The following SCAPER variants were observed in gnomAD, a reference collection of about 807,000 sequenced individuals.
SCAPER encodes S phase cyclin A-associated protein in the endoplasmic reticulum.
A neutral mutation model predicts 182.2 loss-of-function variants in SCAPER; 98 were observed. That is an observed-to-expected ratio of 0.54 (90% CI 0.46 to 0.64). SCAPER has a LOEUF of 0.64. Ranked by LOEUF, SCAPER falls within the 30% of genes least tolerant of loss-of-function variation. SCAPER has a pLI of 0.00. For synonymous variants in SCAPER, 605 were observed against 564.6 expected, an observed-to-expected ratio of 1.07 and a Z score of -1.01; for missense variants, 1,432 against 1,690.0, an observed-to-expected ratio of 0.85 and a Z score of 2.68.
chr15:76,549,039 C>T (rs2045532125), intron 23 of SCAPER, among the ~76,000 whole-genome samples: 1 of 152,134 alleles, frequency 6.6e-6, no homozygotes, highest in South Asian at 2.1e-4. Context: ...TTTTTGCAAT[C>T]TACTCATCTG....
intron 17 of SCAPER, among the ~76,000 whole-genome samples, chr15:76,712,288 T>C (rs2059628797): frequency 6.6e-6 from 1 of 152,214 alleles, no homozygotes; most frequent in African/African-American, 2.4e-5. Context: ...TTCTGTTCCA[T>C]TGATCTATAT....
chr15:76,471,719 A>G (rs2050186881), intron 24 of SCAPER, among the ~76,000 whole-genome samples: 1 of 152,200 alleles, frequency 6.6e-6, no homozygotes, highest in African/African-American at 2.4e-5. Context: ...TTGCCAGATC[A>G]CCTGGTCCGG....
chr15:76,382,857 T>A (rs1361732705), intron 27 of SCAPER, among the ~76,000 whole-genome samples: 1 of 152,178 alleles, frequency 6.6e-6, no homozygotes, highest in East Asian at 1.9e-4. Flanking sequence ...TATAGCCACT[T>A]GTAATCACTG....
At chr15:76,441,420 C>T (rs1281708409) in intron 25 of SCAPER, among the ~76,000 whole-genome samples, 1 of 152,132 alleles carries the variant, frequency 6.6e-6, no homozygotes, top group East Asian at 1.9e-4. Flanking sequence ...CAAAAGTCTT[C>T]GTTATACATG....
chr15:76,631,667 T>C (rs945263675), intron 21 of SCAPER, among the ~76,000 whole-genome samples: 7 of 152,260 alleles, frequency 4.6e-5, no homozygotes, highest in African/African-American at 7.2e-5. Context: ...GTTAGTCTGA[T>C]GGGCTTCCCT....
At chr15:76,787,195 A>G (rs1448701271) in intron 8 of SCAPER, among the ~76,000 whole-genome samples, 1 of 152,212 alleles carries the variant, frequency 6.6e-6, no homozygotes, top group East Asian at 1.9e-4. Context: ...CAATTTTGAA[A>G]AAGAAAAGAA....
At position 76,633,269 on chromosome 15, in the gene SCAPER, C is replaced by T. The variant is rs1358346303; in HGVS notation, c.2646-11440G>A. ...TGGAATTATCACCAGTGGACGCTGC[C>T]GAACAACAAAGATGGCAGCCTGCTC... On this transcript the variant is annotated intron_variant, in intron 21 of 31. Transcript: ENST00000563290. Among the ~76,000 whole-genome samples the T allele has an allele frequency of 3.9e-5, 6 of 152,224 alleles. No homozygotes were observed. The East Asian group carries it at 5.8e-4, about 15-fold the overall frequency.
intron 16 of SCAPER, among the ~76,000 whole-genome samples, chr15:76,729,462 A>G (rs909248473): frequency 1.3e-5 from 2 of 152,090 alleles, no homozygotes; most frequent in Admixed American, 6.6e-5. Context: ...ATATGATGAA[A>G]AAACCATAGT....
At chr15:76,754,535 T>C (rs2062295577) in intron 14 of SCAPER, among the ~76,000 whole-genome samples, 1 of 152,132 alleles carries the variant, frequency 6.6e-6, no homozygotes. Context: ...TATTTGATGT[T>C]ATTTTAAGAA....
At chr15:76,540,570 C>T (rs1375739231) in intron 23 of SCAPER, among the ~76,000 whole-genome samples, 2 of 151,544 alleles carry the variant, frequency 1.3e-5, no homozygotes, top group African/African-American at 4.9e-5. Context: ...TGTATATTTA[C>T]AGAAATATGC....
At chr15:76,523,098 A>G (rs1374927986) in intron 23 of SCAPER, among the ~76,000 whole-genome samples, 1 of 152,038 alleles carries the variant, frequency 6.6e-6, no homozygotes, top group Non-Finnish European at 1.5e-5. Flanking sequence ...TGAAGTATTC[A>G]TGTCTTTAAT....
intron 27 of SCAPER, among the ~76,000 whole-genome samples, chr15:76,382,361 C>A (rs971507909): frequency 1.6e-5 from 2 of 126,576 alleles, no homozygotes; most frequent in African/African-American, 3.2e-5. Flanking sequence ...TTATTTTTTT[C>A]TTTTATTTTT....
intron 24 of SCAPER, among the ~76,000 whole-genome samples, chr15:76,477,251 T>A (rs2050726957): frequency 6.6e-6 from 1 of 152,140 alleles, no homozygotes; most frequent in South Asian, 2.1e-4. Context: ...GCCTTCAGAG[T>A]GAAAGTCTAG....
intron 22 of SCAPER, among the ~76,000 whole-genome samples, chr15:76,620,713 G>T (rs2051955580): frequency 6.6e-6 from 1 of 152,062 alleles, no homozygotes; most frequent in African/African-American, 2.4e-5. Flanking sequence ...ACTGTTAAAA[G>T]TACCAGTAAA....
chr15:76,522,125 T>TA (rs1293445412), intron 23 of SCAPER, among the ~76,000 whole-genome samples: 1 of 152,208 alleles, frequency 6.6e-6, no homozygotes, highest in Non-Finnish European at 1.5e-5. Flanking sequence ...AGTAGACTGT[T>TA]AGTGTATAAT....
chr15:76,673,640 T>C (rs2057178304), intron 20 of SCAPER, among the ~76,000 whole-genome samples: 1 of 152,122 alleles, frequency 6.6e-6, no homozygotes, highest in South Asian at 2.1e-4. Flanking sequence ...ATTTCTTCAT[T>C]TCCTAATTCT....
intron 23 of SCAPER, among the ~76,000 whole-genome samples, chr15:76,573,810 G>A (rs1477301456): frequency 6.6e-6 from 1 of 152,090 alleles, no homozygotes; most frequent in Non-Finnish European, 1.5e-5. Flanking sequence ...AAATCTGGTT[G>A]TGATTTATGA....
In SCAPER at chr15:76,629,774, G is replaced by T. The variant is rs187968809; in HGVS notation, c.2646-7945C>A. 1.3e-4 allele frequency among the ~76,000 whole-genome samples: 20 copies of T among 152,264 alleles called. No homozygotes were observed. In the East Asian group the frequency reaches 3.5e-3, roughly 27 times the overall value. On this transcript the variant is annotated intron_variant, in intron 21 of 31. Coordinates refer to ENST00000563290, the MANE Select transcript of SCAPER (RefSeq NM_020843.4). The stretch of plus-strand genomic sequence containing the variant: ...GTATCAGGATGGTGCTGGCCTCATA[G>T]AATGAGTTAGGGAGAAGTCCCTCCC...
rs190057730 is a variant in SCAPER, at chr15:76,814,000, T to C, written c.394-9367A>G. Among the ~76,000 whole-genome samples the C allele has an allele frequency of 1.4e-3, 207 of 152,220 alleles. 1 individual carries two copies. Among genetic ancestry groups the C allele is most frequent in the Non-Finnish European group, 1.4e-3 (97 of 68,014 alleles). On this transcript the variant is annotated intron_variant, in intron 5 of 31. Transcript: ENST00000563290. The stretch of plus-strand genomic sequence containing the variant: ...CTGGCCAACATGGTGAAACCCCGTC[T>C]CTACTAAAATTACAAAAATTAGCTG...
Sources: allele counts gnomAD v4.1 joint callset (sites outside exome capture counted in the v4.1 genomes callset), GRCh38; gene constraint gnomAD v4.1.1; transcripts MANE v1.5; gene names NCBI Gene and HGNC (gene_info 2026-07-23, HGNC 2026-07-21).